KIRREL3: variants seen among roughly 807,000 people sequenced by gnomAD.
KIRREL3 encodes the protein kirre like nephrin family adhesion molecule 3.
Under a neutral mutation model 89.7 loss-of-function variants are expected in KIRREL3, and 36 were observed. The ratio of observed to expected loss-of-function variants is 0.40; its 90% CI spans 0.31 to 0.53. KIRREL3 has a LOEUF of 0.53. KIRREL3 is among the 20% of genes least tolerant of loss of function. The probability of loss-of-function intolerance (pLI) is 0.49; values close to 1 mark genes in which losing one functional copy is unlikely to be tolerated. For synonymous variants in KIRREL3, 445 were observed against 441.4 expected (o/e 1.01, Z -0.10); for missense variants, 864 against 1,056.6 (o/e 0.82, Z 2.53).
At position 126,608,994 on chromosome 11, in the gene KIRREL3, G is replaced by A. The variant is rs555788926; in HGVS notation, c.56-46082C>T. ...TAGCAGAAACAATCAGGCCAGAGGG[G>A]TATTTGTTGCAGAAGAGAAATGTGA... On this transcript the variant is annotated intron_variant, in intron 1 of 16. Transcript: ENST00000525144. This position sits in a 1 kb window ranked among gnomAD's most constrained non-coding sequence, Gnocchi z 4.9. Among the ~76,000 whole-genome samples the A allele has an allele frequency of 6.6e-6, 1 of 152,298 alleles. No individual in the cohort carries two copies. The highest frequency in any genetic ancestry group is 1.9e-4 in the East Asian group (1 of 5,182).
rs12798835 is a variant in KIRREL3, at chr11:126,696,139, C to T, written c.56-133227G>A. The stretch of plus-strand genomic sequence containing the variant: ...TGACATGGTGACACGTGCCTGTAGT[C>T]CCAGCTACTTGGGAGGCTGAGGTAT... On this transcript the variant is annotated intron_variant, in intron 1 of 16. Coordinates refer to ENST00000525144, the MANE Select transcript of KIRREL3 (RefSeq NM_032531.4). This position sits in a 1 kb window ranked among gnomAD's most constrained non-coding sequence, Gnocchi z 4.4. 0.035 allele frequency among the ~76,000 whole-genome samples: 5,379 copies of T among 152,086 alleles called. 122 individuals are homozygous for T. The highest frequency in any genetic ancestry group is 0.1 in the Middle Eastern group (30 of 294).
rs182716413 is a variant in KIRREL3, at chr11:126,715,797, G to A, written c.56-152885C>T. 1.1e-4 allele frequency among the ~76,000 whole-genome samples: 16 copies of A among 152,306 alleles called. No individual in the cohort carries two copies. The highest frequency in any genetic ancestry group is 3.9e-4 in the East Asian group (2 of 5,180). ...CAGAGAATGTTCAAACACCATCCACGATGAACACGGTTGCAGAGAGGCCAG... is the reference window on the plus strand; with the variant it reads ...CAGAGAATGTTCAAACACCATCCACAATGAACACGGTTGCAGAGAGGCCAG... On this transcript the variant is annotated intron_variant, in intron 1 of 16. Transcript: ENST00000525144. The surrounding 1 kb of genome is among the most constrained non-coding windows in gnomAD (Gnocchi z 4.4).
chr11:126,555,430 T>C lies in KIRREL3; in HGVS notation c.133+7405A>G, dbSNP rs1180071917. On this transcript the variant is annotated intron_variant, in intron 2 of 16. Transcript: ENST00000525144. This position sits in a 1 kb window ranked among gnomAD's most constrained non-coding sequence, Gnocchi z 4.2. ...GGAAGGATCTGGTTCTACGGGAGCA[T>C]GTGACACAGGAACTGGATCTTGACT... Among the ~76,000 whole-genome samples the C allele has an allele frequency of 6.6e-6, 1 of 152,184 alleles. No individual in the cohort carries two copies. The highest frequency in any genetic ancestry group is 1.5e-5 in the Non-Finnish European group (1 of 68,014).
intron 5 of KIRREL3, among the ~76,000 whole-genome samples, chr11:126,468,814 G>C (rs1956801756): frequency 1.3e-5 from 2 of 152,232 alleles, no homozygotes; most frequent in South Asian, 4.1e-4. Flanking sequence ...AGACATCCGT[G>C]ATCATTATCA....
rs1392037682 is a variant in KIRREL3 at position 126,771,772 on chromosome 11, G to A, written c.56-208860C>T. On this transcript the variant is annotated intron_variant, in intron 1 of 16. Transcript: ENST00000525144. This position sits in a 1 kb window ranked among gnomAD's most constrained non-coding sequence, Gnocchi z 4.4. The stretch of plus-strand genomic sequence containing the variant: ...CAACCAACATCTTTATTAAAAAAAC[G>A]TTTTCATGTGAAGCCACAGATTTGG... Among the ~76,000 whole-genome samples the A allele has an allele frequency of 2.0e-5, 3 of 152,308 alleles. No homozygotes were observed. The highest frequency in any genetic ancestry group is 1.9e-4 in the East Asian group (1 of 5,180).
rs1332216800 is a variant in KIRREL3 at position 126,755,266 on chromosome 11, A to G, written c.56-192354T>C. On this transcript the variant is annotated intron_variant, in intron 1 of 16. Transcript: ENST00000525144. The surrounding 1 kb of genome is among the most constrained non-coding windows in gnomAD (Gnocchi z 4.3). Reference sequence around the variant, plus strand: ...TGCCTGCCCTCCTGTAGCCACAAACATAGCCCTGCAGACAGTTCCCTCTTG... The same window carrying G: ...TGCCTGCCCTCCTGTAGCCACAAACGTAGCCCTGCAGACAGTTCCCTCTTG... 6.6e-6 allele frequency among the ~76,000 whole-genome samples: 1 copy of G among 152,202 alleles called. No individual in the cohort carries two copies. Among genetic ancestry groups the G allele is most frequent in the Non-Finnish European group, 1.5e-5 (1 of 68,042 alleles).
At chr11:126,618,696 A>G (rs1943456815) in intron 1 of KIRREL3, among the ~76,000 whole-genome samples, 1 of 152,098 alleles carries the variant, frequency 6.6e-6, no homozygotes, top group African/African-American at 2.4e-5. Context: ...TGGCCTCCCA[A>G]AGCGCTGGGA....
intron 1 of KIRREL3, among the ~76,000 whole-genome samples, chr11:126,626,750 T>C (rs1039116717): frequency 4.6e-5 from 7 of 152,214 alleles, no homozygotes; most frequent in African/African-American, 1.7e-4. Context: ...CCCAGCACTT[T>C]GGAAGGCCGA....
At chr11:126,928,872 A>C (rs1947824837) in intron 1 of KIRREL3, among the ~76,000 whole-genome samples, 1 of 152,098 alleles carries the variant, frequency 6.6e-6, no homozygotes, top group African/African-American at 2.4e-5. Context: ...TATTTCTCTG[A>C]GCTTAGGTAA....
At position 126,424,841 on chromosome 11, in the gene KIRREL3, C is replaced by T; in HGVS notation, c.2076G>A (p.Gly692=). Reference sequence around the variant, plus strand: ...TGCCCATGCCCAGCACAAACCGCTGCCCGTAGTCGTAGAGGCGGCCCTGGC... The same window carrying T: ...TGCCCATGCCCAGCACAAACCGCTGTCCGTAGTCGTAGAGGCGGCCCTGGC... ...LSGQGRLYDY[G]QRFVLGMGSS... The change falls in exon 17 of 17, where the codon GGG becomes GGA. Residue 692 remains glycine, a synonymous_variant. Coordinates refer to ENST00000525144, the MANE Select transcript of KIRREL3 (RefSeq NM_032531.4). 6.2e-7 allele frequency: 1 copy of T among 1,614,018 alleles called. No homozygotes were observed. The highest frequency in any genetic ancestry group is 8.5e-7 in the Non-Finnish European group (1 of 1,179,900).
Position 126,896,097 on chromosome 11 carries a change from T to C in KIRREL3, c.55+104358A>G, listed in dbSNP as rs1946146909. Among the ~76,000 whole-genome samples the C allele has an allele frequency of 6.6e-6, 1 of 152,234 alleles. No homozygotes were observed. The highest frequency in any genetic ancestry group is 1.5e-5 in the Non-Finnish European group (1 of 68,038). ...TTCTCTTACTTATCTTGCAAGTAGT[T>C]TTTTCTATTCTTGTTTATCCCTGAA... On this transcript the variant is annotated intron_variant, in intron 1 of 16. Transcript: ENST00000525144. The surrounding 1 kb of genome is among the most constrained non-coding windows in gnomAD (Gnocchi z 4.1).
At chr11:126,621,073 G>T (rs999673520) in intron 1 of KIRREL3, among the ~76,000 whole-genome samples, 1 of 152,158 alleles carries the variant, frequency 6.6e-6, no homozygotes, top group African/African-American at 2.4e-5. Flanking sequence ...ATTTCCCATT[G>T]CAGTTAATTT....
At chr11:126,923,148 T>C (rs55861277) in intron 1 of KIRREL3, among the ~76,000 whole-genome samples, 1,631 of 19,950 alleles carry the variant, frequency 0.082, 157 homozygotes, top group Middle Eastern at 0.36. Context: ...TTCTTCTTCT[T>C]CTTCTTCTTC....
At chr11:126,934,611 G>A (rs1331545924) in intron 1 of KIRREL3, among the ~76,000 whole-genome samples, 7 of 152,238 alleles carry the variant, frequency 4.6e-5, no homozygotes, top group Middle Eastern at 3.4e-3. Flanking sequence ...AGTAAGTAAT[G>A]CCATTAAAAA....
rs1947627377 is a variant in KIRREL3 at position 126,924,764 on chromosome 11, C to T, written c.55+75691G>A. ...CTTGGCCAAGGTGATTAACTGGATG[C>T]CTGCTGTGTGCTCATCCCTGCCCCA... is the stretch of plus-strand genomic sequence containing the variant. On this transcript the variant is annotated intron_variant, in intron 1 of 16. Coordinates refer to ENST00000525144, the MANE Select transcript of KIRREL3 (RefSeq NM_032531.4). This position sits in a 1 kb window ranked among gnomAD's most constrained non-coding sequence, Gnocchi z 4.7. Among the ~76,000 whole-genome samples the T allele has an allele frequency of 6.6e-6, 1 of 152,146 alleles. No homozygotes were observed. The highest frequency in any genetic ancestry group is 2.4e-5 in the African/African-American group (1 of 41,422).
At chr11:126,925,965 A>T (rs547729069) in intron 1 of KIRREL3, among the ~76,000 whole-genome samples, 9 of 152,342 alleles carry the variant, frequency 5.9e-5, no homozygotes, top group African/African-American at 2.2e-4. Flanking sequence ...ATCCAGAAAC[A>T]TACCTCATCC....
At position 126,535,205 on chromosome 11, in the gene KIRREL3, T is replaced by C. The variant is rs1187403369; in HGVS notation, c.134-8518A>G. Among the ~76,000 whole-genome samples, 1 of 152,092 alleles carries C rather than the reference T, an allele frequency of 6.6e-6. No individual in the cohort carries two copies. Among genetic ancestry groups the C allele is most frequent in the Admixed American group, 6.6e-5 (1 of 15,266 alleles). On this transcript the variant is annotated intron_variant, in intron 2 of 16. Coordinates refer to ENST00000525144, the MANE Select transcript of KIRREL3 (RefSeq NM_032531.4). The surrounding 1 kb of genome is among the most constrained non-coding windows in gnomAD (Gnocchi z 4.5). ...CATCGGGACTCCTCCTGACTGCTCTTCCCAAAAGCCCCCTCTAGATTTCCC... is the reference window on the plus strand; with the variant it reads ...CATCGGGACTCCTCCTGACTGCTCTCCCCAAAAGCCCCCTCTAGATTTCCC...
In KIRREL3 at chr11:126,993,463, T is replaced by C. The variant is rs565345309; in HGVS notation, c.55+6992A>G. ...GTTTAGAGAACTCTTGAGCATCCTA[T>C]AATATCAAGCATGATGTCATCTCCT... On this transcript the variant is annotated intron_variant, in intron 1 of 16. Transcript: ENST00000525144. The surrounding 1 kb of genome is among the most constrained non-coding windows in gnomAD (Gnocchi z 6.1). 6.6e-6 allele frequency among the ~76,000 whole-genome samples: 1 copy of C among 152,354 alleles called. No individual in the cohort carries two copies. Among genetic ancestry groups the C allele is most frequent in the Admixed American group, 6.5e-5 (1 of 15,308 alleles).
intron 1 of KIRREL3, among the ~76,000 whole-genome samples, chr11:126,665,671 C>A (rs1391079084): frequency 6.6e-6 from 1 of 152,180 alleles, no homozygotes; most frequent in Non-Finnish European, 1.5e-5. Flanking sequence ...TTGGACTTCT[C>A]CACCTCCAGA....
Sources: allele counts gnomAD v4.1 joint callset (sites outside exome capture counted in the v4.1 genomes callset), GRCh38; gene constraint gnomAD v4.1.1; non-coding constraint Gnocchi (gnomAD v3.1); transcripts MANE v1.5; gene names NCBI Gene and HGNC (gene_info 2026-07-23, HGNC 2026-07-21).